GAREM1: variants seen among roughly 807,000 people sequenced by gnomAD.
GAREM1 encodes the protein GRB2-associated and regulator of MAPK protein 1.
A neutral mutation model predicts 71.3 loss-of-function variants in GAREM1; 26 were observed. The observed-to-expected ratio is 0.36, with a 90% CI of 0.27 to 0.51. The LOEUF (loss-of-function observed/expected upper bound fraction) is 0.51, where lower values mean the gene tolerates loss of function less well. Ranked by LOEUF, GAREM1 falls within the 20% of genes least tolerant of loss-of-function variation. The pLI, the probability that GAREM1 is intolerant of heterozygous loss-of-function variation, is 0.95. For synonymous variants in GAREM1, 440 were observed against 433.2 expected, an observed-to-expected ratio of 1.02 and a Z score of -0.20; for missense variants, 1,026 against 1,103.1, an observed-to-expected ratio of 0.93 and a Z score of 0.99.
rs192083689 is a variant in GAREM1, at chr18:32,333,598, C to T, written c.263-23275G>A. Among the ~76,000 whole-genome samples, 21 of 152,286 alleles carry T rather than the reference C, an allele frequency of 1.4e-4. No individual in the cohort carries two copies. In the East Asian group the frequency reaches 3.7e-3, roughly 27 times the overall value. Reference sequence around the variant, plus strand: ...TTGTATAACTTCCTGAGCCAGTATACAAACTCCAATAAAGTGGAAACCTCA... The same window carrying T: ...TTGTATAACTTCCTGAGCCAGTATATAAACTCCAATAAAGTGGAAACCTCA... On this transcript the variant is annotated intron_variant, in intron 2 of 5. Coordinates refer to ENST00000269209, the MANE Select transcript of GAREM1 (RefSeq NM_001242409.2).
intron 1 of GAREM1, among the ~76,000 whole-genome samples, chr18:32,402,993 C>T (rs2048330457): frequency 6.6e-6 from 1 of 152,154 alleles, no homozygotes; most frequent in South Asian, 2.1e-4. Flanking sequence ...TCTCAGCTCA[C>T]TGCAACCTCT....
At chr18:32,337,357 C>G (rs978610294) in intron 2 of GAREM1, among the ~76,000 whole-genome samples, 8 of 152,142 alleles carry the variant, frequency 5.3e-5, no homozygotes, top group African/African-American at 1.9e-4. Context: ...CTGATGAAGC[C>G]AGGACAATTC....
rs2041370664 is a variant in GAREM1 at position 32,266,137 on chromosome 18, T to C, written c.*1734A>G. Reference sequence around the variant, plus strand: ...AGGAGAAAAAAAATGCTTTTTTTTTTGATAAAGGAGATCTAAGATGGAAAA... The same window carrying C: ...AGGAGAAAAAAAATGCTTTTTTTTTCGATAAAGGAGATCTAAGATGGAAAA... On this transcript the variant is annotated 3_prime_UTR_variant, in exon 6 of 6. Transcript: ENST00000269209. 1 of 152,116 alleles carries C rather than the reference T, an allele frequency of 6.6e-6. No homozygotes were observed. Among genetic ancestry groups the C allele is most frequent in the African/African-American group, 2.4e-5 (1 of 41,396 alleles). 9.4% of individuals were successfully genotyped at this position (152,116 alleles called of 1,614,324 possible).
At chr18:32,421,935 C>A (rs765574020) in intron 1 of GAREM1, among the ~76,000 whole-genome samples, 1 of 152,102 alleles carries the variant, frequency 6.6e-6, no homozygotes, top group Non-Finnish European at 1.5e-5. Flanking sequence ...AACCTTAAAG[C>A]TTCTGCCCCT....
At chr18:32,319,681 A>G (rs1234993238) in intron 2 of GAREM1, among the ~76,000 whole-genome samples, 2 of 152,146 alleles carry the variant, frequency 1.3e-5, no homozygotes, top group Admixed American at 1.3e-4. Context: ...CTCCCTCCCA[A>G]TCTTACCCTC....
intron 2 of GAREM1, among the ~76,000 whole-genome samples, chr18:32,385,053 A>G (rs1466380826): frequency 1.3e-5 from 2 of 152,126 alleles, no homozygotes; most frequent in Non-Finnish European, 2.9e-5. Flanking sequence ...CTACTTAATT[A>G]CTTTCTCTCT....
At chr18:32,441,456 C>T (rs1336423068) in intron 1 of GAREM1, among the ~76,000 whole-genome samples, 4 of 151,954 alleles carry the variant, frequency 2.6e-5, no homozygotes, top group Non-Finnish European at 1.5e-5. Flanking sequence ...TCCTAGCAGC[C>T]AACAATTAGG....
At chr18:32,400,235 G>A (rs1287848886) in intron 1 of GAREM1, among the ~76,000 whole-genome samples, 2 of 152,154 alleles carry the variant, frequency 1.3e-5, no homozygotes, top group African/African-American at 4.8e-5. Context: ...AGAAAACCTA[G>A]GCAATACCAT....
chr18:32,275,726 T>C (rs2041532491), intron 4 of GAREM1, among the ~76,000 whole-genome samples: 1 of 152,338 alleles, frequency 6.6e-6, no homozygotes, highest in South Asian at 2.1e-4. Context: ...TTGCCCAGGC[T>C]GGAGTGCAAT....
intron 4 of GAREM1, among the ~76,000 whole-genome samples, chr18:32,282,380 C>T (rs1000672025): frequency 3.9e-5 from 6 of 152,048 alleles, no homozygotes; most frequent in Admixed American, 2.6e-4. Context: ...GAGCCGAGAT[C>T]GCACCACTGC....
rs545263004 is a variant in GAREM1, at chr18:32,399,991, C to A, written c.122-6956G>T. On this transcript the variant is annotated intron_variant, in intron 1 of 5. Coordinates refer to ENST00000269209, the MANE Select transcript of GAREM1 (RefSeq NM_001242409.2). Reference sequence around the variant, plus strand: ...AAAACAGAGATATAGACCAATGGAACAGAACAGAGCCCTCAGAAATAATAC... The same window carrying A: ...AAAACAGAGATATAGACCAATGGAAAAGAACAGAGCCCTCAGAAATAATAC... 7.2e-5 allele frequency among the ~76,000 whole-genome samples: 11 copies of A among 152,268 alleles called. No homozygotes were observed. The East Asian group carries it at 1.7e-3, about 24-fold the overall frequency.
At position 32,287,189 on chromosome 18, in the gene GAREM1, G is replaced by A. The variant is rs527681949; in HGVS notation, c.1408C>T (p.Arg470Cys). The A allele has an allele frequency of 1.5e-5, 24 of 1,614,244 alleles. No homozygotes were observed. The East Asian group carries it at 2.9e-4, about 19-fold the overall frequency. ...CATCTGTTCTTCTCGCTCAGAGAGC[G>A]AGTGAGAGGCTGATGGCTGGGCTTG... is the stretch of plus-strand genomic sequence containing the variant. ...EGKPSHQPLT[R>C]SLSEKNRCDQ... Residue 470 changes from arginine (R) to cysteine (C), a missense_variant, in exon 4 of 6, where the codon CGC (arginine) becomes TGC (cysteine). Coordinates refer to ENST00000269209, the MANE Select transcript of GAREM1 (RefSeq NM_001242409.2). The surrounding 1 kb of genome is among the most constrained non-coding windows in gnomAD (Gnocchi z 5.9).
At chr18:32,423,799 T>C (rs1281827938) in intron 1 of GAREM1, among the ~76,000 whole-genome samples, 1 of 152,208 alleles carries the variant, frequency 6.6e-6, no homozygotes, top group Non-Finnish European at 1.5e-5. Context: ...CACAAGTTAA[T>C]TATTTCATAT....
At chr18:32,270,459 T>G (rs1267854003) in intron 4 of GAREM1, 76 bp from the exon 5 acceptor site, 12 of 1,295,804 alleles carry the variant, frequency 9.3e-6, no homozygotes, top group Non-Finnish European at 1.3e-5. Context: ...CCTGAAGACT[T>G]GCTCAAGTCA....
intron 1 of GAREM1, among the ~76,000 whole-genome samples, chr18:32,427,834 A>C (rs2048589184): frequency 6.6e-6 from 1 of 152,146 alleles, no homozygotes; most frequent in Non-Finnish European, 1.5e-5. Flanking sequence ...TGGGTATATT[A>C]AAGCTGTATT....
At position 32,470,554 on chromosome 18, in the gene GAREM1, C is replaced by T; in HGVS notation, c.-126G>A. 1.6e-6 allele frequency: 1 copy of T among 626,538 alleles called. No individual in the cohort carries two copies. The allele number at this position is 626,538 out of a possible 1,614,324, so 38.8% of individuals were successfully genotyped here. A position where few individuals can be genotyped will look rare whatever the true frequency, so the allele number is the denominator to read the frequency against. On this transcript the variant is annotated 5_prime_UTR_variant, in exon 1 of 6. Coordinates refer to ENST00000269209, the MANE Select transcript of GAREM1 (RefSeq NM_001242409.2). The surrounding 1 kb of genome is among the most constrained non-coding windows in gnomAD (Gnocchi z 4.4). ...GGGAGGCGCCGGGCAGCTCCGGCCGCGGGCAGCCGGGGGGGCGCGGCGACT... is the reference window on the plus strand; with the variant it reads ...GGGAGGCGCCGGGCAGCTCCGGCCGTGGGCAGCCGGGGGGGCGCGGCGACT...
chr18:32,330,855 G>A (rs2047526976), intron 2 of GAREM1, among the ~76,000 whole-genome samples: 1 of 151,988 alleles, frequency 6.6e-6, no homozygotes, highest in South Asian at 2.1e-4. Context: ...AGGAAAGAAG[G>A]GAACATTTTG....
chr18:32,270,055 G>A (rs1226450892), intron 5 of GAREM1, among the ~76,000 whole-genome samples, 162 bp downstream of exon 5: 2 of 152,012 alleles, frequency 1.3e-5, no homozygotes, highest in Admixed American at 6.6e-5. Flanking sequence ...AAACAAACAG[G>A]GGCCCCATCA....
At chr18:32,412,374 T>C (rs1253180158) in intron 1 of GAREM1, 5 of 1,590,220 alleles carry the variant, frequency 3.1e-6, no homozygotes, top group South Asian at 1.1e-5. Flanking sequence ...TGAAGACTGA[T>C]TGTTGTAATT....
Sources: allele counts gnomAD v4.1 joint callset (sites outside exome capture counted in the v4.1 genomes callset), GRCh38; gene constraint gnomAD v4.1.1; non-coding constraint Gnocchi (gnomAD v3.1); transcripts MANE v1.5; gene names NCBI Gene and HGNC (gene_info 2026-07-23, HGNC 2026-07-21).